Variants in RIC1 observed in about 807,000 individuals in gnomAD.
The protein encoded by RIC1 is RIC1 partner of RAB6A GEF complex, also known as guanine nucleotide exchange factor subunit RIC1.
RIC1 carries 88 observed loss-of-function variants against 169.0 expected under a neutral mutation model. The ratio of observed to expected loss-of-function variants is 0.52; its 90% CI spans 0.44 to 0.62. The LOEUF (loss-of-function observed/expected upper bound fraction) is 0.62. Among genes scored for constraint, RIC1 ranks in the 20% least tolerant of loss-of-function variants. The pLI, the probability that RIC1 is intolerant of heterozygous loss-of-function variation, is 0.00. For missense variants in RIC1, 1,877 were observed against 1,725.5 expected (o/e 1.09, Z -1.56); for synonymous variants, 790 against 601.5 (o/e 1.31, Z -4.59).
intron 2 of RIC1, among the ~76,000 whole-genome samples, chr9:5,663,280 A>G (rs887686167): frequency 2.6e-5 from 4 of 152,238 alleles, no homozygotes; most frequent in African/African-American, 9.6e-5. Context: ...GTGCCTTGTG[A>G]TGATGAGAAC....
At position 5,720,108 on chromosome 9, in the gene RIC1, T is replaced by G. The variant is rs117115313; in HGVS notation, c.441-74T>G. 1.7e-3 allele frequency: 1,980 copies of G among 1,194,676 alleles called. 18 individuals are homozygous for G. The East Asian group carries it at 0.026, about 15-fold the overall frequency. 74.0% of individuals were successfully genotyped at this position (1,194,676 alleles called of 1,614,324 possible). On this transcript the variant is annotated intron_variant, in intron 4 of 25. Coordinates refer to ENST00000414202, the MANE Select transcript of RIC1 (RefSeq NM_020829.4). ...TGATCATTTTTGCATGAGTATTCTC[T>G]AAAGCAGTTTTAATATTCATACACA...
chr9:5,633,271 T>G (rs774369976), intron 1 of RIC1, among the ~76,000 whole-genome samples: 1 of 152,194 alleles, frequency 6.6e-6, no homozygotes, highest in South Asian at 2.1e-4. Context: ...CCATTTTATT[T>G]GTATTTTCCC....
At chr9:5,647,289 C>T (rs1190779515) in intron 1 of RIC1, among the ~76,000 whole-genome samples, 4 of 152,084 alleles carry the variant, frequency 2.6e-5, no homozygotes, top group African/African-American at 4.8e-5. Context: ...TTTGTCTATT[C>T]GAGGTCTCTT....
At chr9:5,682,630 A>G (rs939021528) in intron 2 of RIC1, among the ~76,000 whole-genome samples, 5 of 151,888 alleles carry the variant, frequency 3.3e-5, no homozygotes, top group African/African-American at 1.2e-4. Flanking sequence ...TCTGACAATT[A>G]TGTGTCTTGG....
At chr9:5,741,231 G>A (rs968755009) in intron 8 of RIC1, among the ~76,000 whole-genome samples, 2 of 152,068 alleles carry the variant, frequency 1.3e-5, no homozygotes, top group African/African-American at 4.8e-5. Context: ...TCAATAGATT[G>A]GTCTTTATAG....
intron 3 of RIC1, among the ~76,000 whole-genome samples, chr9:5,694,702 C>G (rs1256166547): frequency 6.6e-6 from 1 of 152,056 alleles, no homozygotes; most frequent in Non-Finnish European, 1.5e-5. Flanking sequence ...GTAGGACTGC[C>G]CAAATCAGAG....
At chr9:5,684,408 G>A (rs1821081861) in intron 2 of RIC1, among the ~76,000 whole-genome samples, 1 of 150,766 alleles carries the variant, frequency 6.6e-6, no homozygotes, top group Non-Finnish European at 1.5e-5. Context: ...ATATAAACAA[G>A]ATGTATTTCT....
chr9:5,707,074 A>G (rs1204172417), intron 3 of RIC1, among the ~76,000 whole-genome samples: 3 of 152,120 alleles, frequency 2.0e-5, no homozygotes, highest in South Asian at 2.1e-4. Flanking sequence ...ACTGTATCCC[A>G]TAACGTTGCA....
At chr9:5,738,802 A>G (rs1343489101) in intron 8 of RIC1, among the ~76,000 whole-genome samples, 1 of 152,060 alleles carries the variant, frequency 6.6e-6, no homozygotes, top group Non-Finnish European at 1.5e-5. Flanking sequence ...GCTTCCTATC[A>G]GTTTCACTTC....
At chr9:5,733,040 C>A (rs184024916) in intron 7 of RIC1, among the ~76,000 whole-genome samples, 59 of 152,014 alleles carry the variant, frequency 3.9e-4, no homozygotes, top group Non-Finnish European at 6.8e-4. Flanking sequence ...AGATACTGAA[C>A]TTGGTTGAGC....
chr9:5,723,718 C>T (rs1343081703), intron 6 of RIC1, among the ~76,000 whole-genome samples: 1 of 152,196 alleles, frequency 6.6e-6, no homozygotes, highest in East Asian at 1.9e-4. Flanking sequence ...TTTAATCCAT[C>T]TTGAATTAAT....
intron 1 of RIC1, among the ~76,000 whole-genome samples, chr9:5,653,781 A>G (rs1818937273): frequency 6.6e-6 from 1 of 151,882 alleles, no homozygotes. Context: ...TATTTTTAGT[A>G]GAGATGGGGT....
chr9:5,720,392 A>G (rs1033377527), intron 5 of RIC1, 68 bp downstream of exon 5: 20 of 1,449,318 alleles, frequency 1.4e-5, no homozygotes, highest in African/African-American at 2.8e-5. Flanking sequence ...GGTATCTTCT[A>G]TGGATGAACA....
At position 5,774,613 on chromosome 9, in the gene RIC1, T is replaced by C. The variant is rs1051490789; in HGVS notation, c.*367T>C. ...TCACATTTCCCGGTTCTGCATTATG[T>C]CCAGATTGCTTTTTAAAAAATAAAT... On this transcript the variant is annotated 3_prime_UTR_variant, in exon 26 of 26. Transcript: ENST00000414202. 5 of 169,264 alleles carry C rather than the reference T, an allele frequency of 3.0e-5. No homozygotes were observed. Among genetic ancestry groups the C allele is most frequent in the African/African-American group, 9.5e-5 (4 of 41,910 alleles). The allele number at this position is 169,264 out of a possible 1,614,324, so 10.5% of individuals were successfully genotyped here.
At chr9:5,724,062 G>A (rs1011841989) in intron 6 of RIC1, among the ~76,000 whole-genome samples, 10 of 152,100 alleles carry the variant, frequency 6.6e-5, no homozygotes, top group Non-Finnish European at 1.3e-4. Context: ...GGTTCCATAT[G>A]AACTTTAAAG....
intron 12 of RIC1, among the ~76,000 whole-genome samples, chr9:5,752,567 T>C (rs1162485812): frequency 1.3e-5 from 2 of 151,794 alleles, no homozygotes; most frequent in African/African-American, 2.4e-5. Context: ...CAGTCTCCCA[T>C]GTAGTTGGGA....
Position 5,746,048 on chromosome 9 carries a change from T to C in RIC1, c.1213T>C (p.Phe405Leu). Residue 405 changes from phenylalanine to leucine, a missense_variant, in exon 11 of 26, where the codon TTT becomes CTT. Coordinates refer to ENST00000414202, the MANE Select transcript of RIC1 (RefSeq NM_020829.4). Reference protein sequence around the residue: ...VKQPSILLFQFIKSVLTVNPC... With the variant: ...VKQPSILLFQLIKSVLTVNPC... Reference sequence around the variant, plus strand: ...ACAGCCCAGCATCCTGTTATTTCAGTTTATTAAGAGTGTACTCACTGTAAA... The same window carrying C: ...ACAGCCCAGCATCCTGTTATTTCAGCTTATTAAGAGTGTACTCACTGTAAA... The C allele has an allele frequency of 1.2e-6, 2 of 1,613,656 alleles. No homozygotes were observed. Among genetic ancestry groups the C allele is most frequent in the African/African-American group, 1.3e-5 (1 of 75,012 alleles).
At chr9:5,724,604 G>C (rs1823834526) in intron 6 of RIC1, among the ~76,000 whole-genome samples, 1 of 152,210 alleles carries the variant, frequency 6.6e-6, no homozygotes, top group Non-Finnish European at 1.5e-5. Context: ...GTGTTGAATA[G>C]GAGTGGTGAG....
At chr9:5,655,635 T>G (rs1483811509) in intron 1 of RIC1, among the ~76,000 whole-genome samples, 4 of 152,134 alleles carry the variant, frequency 2.6e-5, no homozygotes. Flanking sequence ...GTTAGATTTG[T>G]TAAGTGCTTT....
Sources: allele counts gnomAD v4.1 joint callset (sites outside exome capture counted in the v4.1 genomes callset), GRCh38; gene constraint gnomAD v4.1.1; transcripts MANE v1.5; gene names NCBI Gene and HGNC (gene_info 2026-07-23, HGNC 2026-07-21).